Variants in MYO16 observed in about 807,000 individuals in gnomAD.
MYO16 encodes unconventional myosin-XVI.
MYO16 carries 94 observed loss-of-function variants against 205.3 expected under a neutral mutation model. The observed-to-expected ratio is 0.46, with a 90% CI of 0.39 to 0.54. The LOEUF is 0.54. MYO16 is among the 20% of genes least tolerant of loss of function. The probability of loss-of-function intolerance (pLI) is 0.00; values close to 1 mark genes in which losing one functional copy is unlikely to be tolerated. For synonymous variants in MYO16, 988 were observed against 954.0 expected (o/e 1.04, Z -0.66); for missense variants, 2,315 against 2,387.5 (o/e 0.97, Z 0.63).
At chr13:108,632,242 C>T (rs1261219356) in intron 1 of MYO16, among the ~76,000 whole-genome samples, 2 of 152,114 alleles carry the variant, frequency 1.3e-5, no homozygotes, top group South Asian at 2.1e-4. Context: ...CATCGGCCTT[C>T]GTCACACTCC....
intron 16 of MYO16, among the ~76,000 whole-genome samples, chr13:108,923,677 AC>A (rs1881850130): frequency 6.6e-6 from 1 of 152,056 alleles, no homozygotes; most frequent in South Asian, 2.1e-4. Flanking sequence ...CAGCCTGCAG[AC>A]CTCTCTTCCC....
At chr13:108,730,105 A>G (rs1390934136) in intron 4 of MYO16, among the ~76,000 whole-genome samples, 2 of 152,188 alleles carry the variant, frequency 1.3e-5, no homozygotes, top group African/African-American at 2.4e-5. Context: ...AGGTTCGGCC[A>G]TGTCCCCACT....
chr13:108,697,431 C>A (rs185160821), intron 2 of MYO16, among the ~76,000 whole-genome samples: 16 of 152,136 alleles, frequency 1.1e-4, no homozygotes, highest in African/African-American at 3.4e-4. Flanking sequence ...TTACTCAGCA[C>A]GGGAGGACAT....
chr13:108,716,834 T>A (rs771163221), intron 3 of MYO16, among the ~76,000 whole-genome samples: 12 of 152,252 alleles, frequency 7.9e-5, no homozygotes, highest in Non-Finnish European at 1.5e-4. Context: ...GAGAAACATA[T>A]TTTAATGTTT....
intron 28 of MYO16, among the ~76,000 whole-genome samples, chr13:109,106,003 A>T (rs1327985833): frequency 6.6e-6 from 1 of 152,218 alleles, no homozygotes; most frequent in Admixed American, 6.5e-5. Flanking sequence ...ACATATTTTA[A>T]AAACATGGTG....
chr13:108,830,985 A>T (rs1229908818), intron 9 of MYO16, among the ~76,000 whole-genome samples: 3 of 152,192 alleles, frequency 2.0e-5, no homozygotes, highest in Non-Finnish European at 4.4e-5. Context: ...TATTTTTATT[A>T]CAAATTCAAA....
intron 34 of MYO16, among the ~76,000 whole-genome samples, chr13:109,202,718 A>G (rs1880445643): frequency 6.6e-6 from 1 of 152,192 alleles, no homozygotes; most frequent in Non-Finnish European, 1.5e-5. Context: ...TAAAACTCAT[A>G]TGGAACCAAA....
chr13:108,985,443 A>G (rs1884593962), intron 20 of MYO16, among the ~76,000 whole-genome samples: 1 of 152,216 alleles, frequency 6.6e-6, no homozygotes, highest in Non-Finnish European at 1.5e-5. Context: ...ATTATACTGA[A>G]GATACCCCCA....
rs538649282 is a variant in MYO16 at position 108,926,661 on chromosome 13, A to G, written c.1925+16511A>G. 1.1e-4 allele frequency among the ~76,000 whole-genome samples: 16 copies of G among 152,224 alleles called. No individual in the cohort carries two copies. In the East Asian group the frequency reaches 2.9e-3, roughly 28 times the overall value. ...GACCAGCAGGCTAACATGGAAAAGG[A>G]GAAATAGGAGTGATGTTTTCTCAAG... On this transcript the variant is annotated intron_variant, in intron 16 of 34. Transcript: ENST00000457511.
At chr13:108,779,931 G>A (rs1219411071) in intron 4 of MYO16, 2 of 152,132 alleles carry the variant, frequency 1.3e-5, no homozygotes, top group African/African-American at 4.8e-5. Flanking sequence ...AATTGATGAT[G>A]GGCACAACAT....
At position 109,055,884 on chromosome 13, in the gene MYO16, T is replaced by A. The variant is rs1887403619; in HGVS notation, c.3335+289T>A. On this transcript the variant is annotated intron_variant, in intron 27 of 34. Transcript: ENST00000457511. The surrounding 1 kb of genome is among the most constrained non-coding windows in gnomAD (Gnocchi z 5.0). ...ATTAAAGTTTTGTAAAATGATTGCATGTGATATTTACTATTTATTATTTAA... is the reference window on the plus strand; with the variant it reads ...ATTAAAGTTTTGTAAAATGATTGCAAGTGATATTTACTATTTATTATTTAA... The A allele has an allele frequency of 7.6e-6, 2 of 263,012 alleles. No individual in the cohort carries two copies. Among genetic ancestry groups the A allele is most frequent in the Non-Finnish European group, 1.5e-5 (2 of 137,322 alleles). The allele number at this position is 263,012 out of a possible 1,614,324, so 16.3% of individuals were successfully genotyped here.
At chr13:108,862,345 C>G (rs1026536526) in intron 11 of MYO16, among the ~76,000 whole-genome samples, 17 of 152,142 alleles carry the variant, frequency 1.1e-4, no homozygotes, top group Non-Finnish European at 1.0e-4. Flanking sequence ...GTATTTCACT[C>G]TCTTGGGATT....
At chr13:108,799,782 G>A (rs981434456) in intron 6 of MYO16, among the ~76,000 whole-genome samples, 51 of 152,082 alleles carry the variant, frequency 3.4e-4, no homozygotes, top group Non-Finnish European at 8.8e-5. Context: ...GTCCGTAGAA[G>A]GGAAGGTGGA....
intron 34 of MYO16, among the ~76,000 whole-genome samples, chr13:109,185,326 A>G (rs2139930345): frequency 6.6e-6 from 1 of 152,294 alleles, no homozygotes. Flanking sequence ...CAAAAAAGTA[A>G]TTTTGGGGGT....
intron 7 of MYO16, among the ~76,000 whole-genome samples, chr13:108,814,481 GA>G (rs34428018): frequency 6.6e-6 from 1 of 151,582 alleles, no homozygotes; most frequent in Non-Finnish European, 1.5e-5. Flanking sequence ...ATAAAAGCAA[GA>G]AAATGCCTCG....
intron 1 of MYO16, among the ~76,000 whole-genome samples, chr13:108,599,755 C>T (rs1465177140): frequency 6.6e-6 from 1 of 152,180 alleles, no homozygotes; most frequent in African/African-American, 2.4e-5. Flanking sequence ...TACTCCTCCA[C>T]CAATTACTAT....
chr13:108,815,659 A>G (rs1229101517), intron 7 of MYO16, among the ~76,000 whole-genome samples: 1 of 152,190 alleles, frequency 6.6e-6, no homozygotes, highest in Non-Finnish European at 1.5e-5. Context: ...AAGGCAATAC[A>G]TTTTTATTGT....
chr13:108,800,051 C>T (rs1341109759), intron 6 of MYO16, among the ~76,000 whole-genome samples: 3 of 152,044 alleles, frequency 2.0e-5, no homozygotes, highest in African/African-American at 7.2e-5. Flanking sequence ...TAGCCTGTAC[C>T]AGGTCTGGGT....
chr13:108,726,005 A>G (rs1884323715), intron 3 of MYO16, among the ~76,000 whole-genome samples: 1 of 152,140 alleles, frequency 6.6e-6, no homozygotes, highest in South Asian at 2.1e-4. Context: ...TCTCTGTTAC[A>G]GGGAAGCAGA....
Sources: allele counts gnomAD v4.1 joint callset (sites outside exome capture counted in the v4.1 genomes callset), GRCh38; gene constraint gnomAD v4.1.1; non-coding constraint Gnocchi (gnomAD v3.1); transcripts MANE v1.5; gene names NCBI Gene and HGNC (gene_info 2026-07-23, HGNC 2026-07-21).